C6orf89: variants seen among roughly 807,000 people sequenced by gnomAD.
C6orf89 encodes the protein bombesin receptor-activated protein C6orf89.
A neutral mutation model predicts 40.7 loss-of-function variants in C6orf89; 29 were observed. That is an observed-to-expected ratio of 0.71 (90% CI 0.53 to 0.97). C6orf89 has a LOEUF of 0.97. Ranked by LOEUF, C6orf89 falls within the 50% of genes least tolerant of loss-of-function variation. The pLI, the probability that C6orf89 is intolerant of heterozygous loss-of-function variation, is 0.00. For synonymous variants in C6orf89, 165 were observed against 152.2 expected (o/e 1.08, Z -0.62); for missense variants, 392 against 429.1 (o/e 0.91, Z 0.76).
rs78597653 is a variant in C6orf89, at chr6:36,889,422, A to G, written c.-120+3394A>G. On this transcript the variant is annotated intron_variant, in intron 1 of 8. Transcript: ENST00000480824. Reference sequence around the variant, plus strand: ...CCCAAAGGAGCTTTCCTCTGAAGGGAGGGAGGGAGAGAGTACCAGAAACTT... The same window carrying G: ...CCCAAAGGAGCTTTCCTCTGAAGGGGGGGAGGGAGAGAGTACCAGAAACTT... Among the ~76,000 whole-genome samples the G allele has an allele frequency of 7.2e-4, 109 of 152,166 alleles. 4 individuals carry two copies. The East Asian group carries it at 0.019, about 26-fold the overall frequency.
At chr6:36,874,567 C>T (rs1269383591) in intron 1 of C6orf89, 14 of 1,096,246 alleles carry the variant, frequency 1.3e-5, no homozygotes, top group Non-Finnish European at 1.9e-5. Context: ...GCGGTCCCCT[C>T]TCAACCCTCT....
At chr6:36,889,720 A>G (rs1274596908) in intron 1 of C6orf89, among the ~76,000 whole-genome samples, 1 of 152,242 alleles carries the variant, frequency 6.6e-6, no homozygotes, top group Non-Finnish European at 1.5e-5. Flanking sequence ...CTTTTTAAAA[A>G]AATTTGATAG....
intron 3 of C6orf89, 62 bp downstream of exon 3, chr6:36,899,695 C>T: frequency 1.3e-6 from 2 of 1,511,962 alleles, no homozygotes; most frequent in South Asian, 2.3e-5. Context: ...ACATTCTTCA[C>T]AAATGCTATT....
chr6:36,894,306 C>T (rs1454807254), intron 1 of C6orf89, among the ~76,000 whole-genome samples, 198 bp from the exon 2 acceptor site: 1 of 152,120 alleles, frequency 6.6e-6, no homozygotes, highest in Non-Finnish European at 1.5e-5. Context: ...CATTCTGGTC[C>T]TCTACTGAGT....
chr6:36,927,297 A>G lies in C6orf89; in HGVS notation c.*3856A>G, dbSNP rs1762713384. On this transcript the variant is annotated 3_prime_UTR_variant, in exon 9 of 9. Transcript: ENST00000480824. ...AACTCACATTTCTTAGCTGCAGGTG[A>G]TGGCCTCAGTCATTTTAATACAGCC... 6.6e-6 allele frequency: 1 copy of G among 152,246 alleles called. No individual in the cohort carries two copies. Among genetic ancestry groups the G allele is most frequent in the South Asian group, 2.1e-4 (1 of 4,838 alleles). The allele number at this position is 152,246 out of a possible 1,614,324, so 9.4% of individuals were successfully genotyped here.
intron 1 of C6orf89, among the ~76,000 whole-genome samples, chr6:36,874,327 A>G (rs1237934954): frequency 6.6e-6 from 1 of 152,214 alleles, no homozygotes; most frequent in Non-Finnish European, 1.5e-5. Flanking sequence ...CGTAATGTTT[A>G]CATGTCTGTC....
intron 3 of C6orf89, among the ~76,000 whole-genome samples, chr6:36,900,755 A>G (rs1376386095): frequency 6.6e-6 from 1 of 151,754 alleles, no homozygotes; most frequent in African/African-American, 2.4e-5. Context: ...AGTCCAGTCA[A>G]TCACTGTCAG....
intron 4 of C6orf89, 56 bp downstream of exon 4, chr6:36,902,490 G>A: frequency 6.6e-7 from 1 of 1,509,402 alleles, no homozygotes; most frequent in South Asian, 1.2e-5. Context: ...GTATATGATA[G>A]GAAAGGAAGT....
At chr6:36,914,875 A>C (rs994021097) in intron 6 of C6orf89, among the ~76,000 whole-genome samples, 182 bp downstream of exon 6, 1 of 152,226 alleles carries the variant, frequency 6.6e-6, no homozygotes, top group African/African-American at 2.4e-5. Context: ...CTGTAATCCC[A>C]GCTACTCTGG....
At chr6:36,908,657 A>G (rs1762013833) in intron 4 of C6orf89, among the ~76,000 whole-genome samples, 1 of 152,206 alleles carries the variant, frequency 6.6e-6, no homozygotes, top group Non-Finnish European at 1.5e-5. Flanking sequence ...TTGGCTAGAC[A>G]CATTGTATTA....
exon 1 of C6orf89, chr6:36,871,954 T>G (rs1488840883): frequency 8.7e-6 from 11 of 1,267,858 alleles, no homozygotes; most frequent in Non-Finnish European, 1.1e-5. Flanking sequence ...CCAGGACTCT[T>G]GATTTTCAAG....
intron 1 of C6orf89, among the ~76,000 whole-genome samples, chr6:36,887,137 C>T (rs1427526490): frequency 1.3e-5 from 2 of 149,218 alleles, no homozygotes; most frequent in Non-Finnish European, 3.0e-5. Flanking sequence ...TTTTTTGAGA[C>T]GGAGTCTCAC....
intron 7 of C6orf89, 116 bp downstream of exon 7, chr6:36,916,690 G>A: frequency 7.9e-7 from 1 of 1,264,220 alleles, no homozygotes; most frequent in Non-Finnish European, 1.1e-6. Flanking sequence ...GTGAATTGAG[G>A]GGACACCCAC....
intron 4 of C6orf89, among the ~76,000 whole-genome samples, 162 bp downstream of exon 4, chr6:36,902,596 C>T (rs1400237922): frequency 6.6e-6 from 1 of 152,132 alleles, no homozygotes; most frequent in Non-Finnish European, 1.5e-5. Context: ...TTATTATCCC[C>T]GTTTCACAGA....
chr6:36,914,814 AC>A, intron 6 of C6orf89, 121 bp downstream of exon 6: 7 of 1,192,684 alleles, frequency 5.9e-6, no homozygotes, highest in Non-Finnish European at 8.3e-6. Context: ...ACATGGCAAA[AC>A]CCCATCTCTA....
intron 1 of C6orf89, among the ~76,000 whole-genome samples, chr6:36,887,681 CA>C (rs774610170): frequency 1.3e-5 from 2 of 152,118 alleles, no homozygotes; most frequent in Non-Finnish European, 2.9e-5. Flanking sequence ...AACAGGTAGG[CA>C]GTGACCAGAT....
intron 4 of C6orf89, 120 bp from the exon 5 acceptor site, chr6:36,914,160 AAAAT>A (rs1248674640): frequency 2.7e-4 from 255 of 957,612 alleles, no homozygotes; most frequent in Non-Finnish European, 3.0e-4. Context: ...ACTCTGTCTC[AAAAT>A]AAATAAATAA....
At chr6:36,909,181 GTT>G (rs67631050) in intron 4 of C6orf89, among the ~76,000 whole-genome samples, 3 of 137,516 alleles carry the variant, frequency 2.2e-5, no homozygotes, top group African/African-American at 5.4e-5. Context: ...GTTGTTGTGG[GTT>G]TTTTTTTTTT....
intron 1 of C6orf89, among the ~76,000 whole-genome samples, chr6:36,887,606 G>C (rs9357230): frequency 0.3 from 45,969 of 152,046 alleles, 7,731 homozygotes; most frequent in Non-Finnish European, 0.37. Context: ...GTATGCAAAA[G>C]CAAAAAGATG....
Sources: allele counts gnomAD v4.1 joint callset (sites outside exome capture counted in the v4.1 genomes callset), GRCh38; gene constraint gnomAD v4.1.1; transcripts MANE v1.5; gene names NCBI Gene and HGNC (gene_info 2026-07-23, HGNC 2026-07-21).